TMC7: variants seen among roughly 807,000 people sequenced by gnomAD.
TMC7 encodes the protein transmembrane channel like 7, also known as transmembrane channel-like protein 7.
TMC7 carries 54 observed loss-of-function variants against 82.9 expected under a neutral mutation model. The observed-to-expected ratio is 0.65, with a 90% CI of 0.52 to 0.82. The LOEUF is 0.82. Among genes scored for constraint, TMC7 ranks in the 40% least tolerant of loss-of-function variants. The pLI, the probability that TMC7 is intolerant of heterozygous loss-of-function variation, is 0.00. For missense variants in TMC7, 820 were observed against 901.2 expected (o/e 0.91, Z 1.15); for synonymous variants, 350 against 337.9 (o/e 1.04, Z -0.39).
chr16:19,047,365 T>G, intron 12 of TMC7, 116 bp downstream of exon 12: 1 of 869,200 alleles, frequency 1.2e-6, no homozygotes, highest in South Asian at 2.0e-5. Flanking sequence ...TTACATCCTT[T>G]ATTTAAAATA....
At chr16:19,003,253 C>T (rs958120756) in intron 1 of TMC7, among the ~76,000 whole-genome samples, 6 of 152,178 alleles carry the variant, frequency 3.9e-5, no homozygotes, top group South Asian at 2.1e-4. Context: ...GTGGGAGGAT[C>T]GCTTGAGCCC....
At chr16:19,013,587 G>A (rs1312742691) in intron 2 of TMC7, among the ~76,000 whole-genome samples, 1 of 151,756 alleles carries the variant, frequency 6.6e-6, no homozygotes, top group Non-Finnish European at 1.5e-5. Context: ...GTGCCATCTC[G>A]CCTCACTGCA....
At chr16:19,006,151 G>T (rs1299461675) in intron 1 of TMC7, among the ~76,000 whole-genome samples, 1 of 151,938 alleles carries the variant, frequency 6.6e-6, no homozygotes, top group Non-Finnish European at 1.5e-5. Flanking sequence ...TCATAAACAG[G>T]CTGTGTAGCA....
At position 19,056,437 on chromosome 16, in the gene TMC7, G is replaced by A. The variant is rs1961774406; in HGVS notation, c.1872-105G>A. ...TCCAGAAGGCCCAGGAGGTTAGGTG[G>A]CTCCCTGTAGGCCATTGTTAACAAA... is the stretch of plus-strand genomic sequence containing the variant. On this transcript the variant is annotated intron_variant, in intron 13 of 15. Transcript: ENST00000304381. 2.2e-6 allele frequency: 3 copies of A among 1,358,534 alleles called. No individual in the cohort carries two copies. The Admixed American group carries it at 6.8e-5, about 31-fold the overall frequency. The allele number at this position is 1,358,534 out of a possible 1,614,324, so 84.2% of individuals were successfully genotyped here. A position where few individuals can be genotyped will look rare whatever the true frequency, so the allele number is the denominator to read the frequency against.
chr16:19,010,038 C>T (rs2039311331), intron 2 of TMC7, among the ~76,000 whole-genome samples: 1 of 147,310 alleles, frequency 6.8e-6, no homozygotes, highest in South Asian at 2.2e-4. Flanking sequence ...TCCCTCCCTC[C>T]TTTCTTTCTT....
intron 1 of TMC7, among the ~76,000 whole-genome samples, chr16:18,991,840 G>GT (rs1030720974): frequency 6.6e-5 from 10 of 152,074 alleles, no homozygotes; most frequent in Admixed American, 2.0e-4. Flanking sequence ...GCGGTGTTTG[G>GT]TTTTTTGTCC....
At chr16:19,048,603 T>TAG (rs780858668) in intron 12 of TMC7, among the ~76,000 whole-genome samples, 2 of 152,050 alleles carry the variant, frequency 1.3e-5, no homozygotes, top group Admixed American at 6.6e-5. Flanking sequence ...GTATTTTTAT[T>TAG]AGAGAGAGAG....
At chr16:19,019,109 C>T (rs1454578328) in intron 3 of TMC7, among the ~76,000 whole-genome samples, 1 of 152,216 alleles carries the variant, frequency 6.6e-6, no homozygotes, top group East Asian at 1.9e-4. Context: ...CTTGGCCTCC[C>T]AAAATGCTGG....
rs1156933795 is a variant in TMC7, at chr16:18,984,009, G to A, written c.-55G>A. The A allele has an allele frequency of 1.5e-6, 2 of 1,371,872 alleles. No individual in the cohort carries two copies. Among genetic ancestry groups the A allele is most frequent in the Non-Finnish European group, 1.9e-6 (2 of 1,069,736 alleles). The allele number at this position is 1,371,872 out of a possible 1,614,324, so 85.0% of individuals were successfully genotyped here. ...AGGGAAGGCCGGGGAGGCGGCGGCG[G>A]CGGCGGCGGCTGGAGAGGGTCCTCG... On this transcript the variant is annotated 5_prime_UTR_variant, in exon 1 of 16. Transcript: ENST00000304381.
At position 19,044,917 on chromosome 16, in the gene TMC7, C is replaced by T. The variant is rs756883052; in HGVS notation, c.1371C>T (p.Val457=). The T allele has an allele frequency of 3.7e-6, 6 of 1,613,964 alleles. No homozygotes were observed. In the South Asian group the frequency reaches 5.5e-5, roughly 15 times the overall value. ...TTATGCGGCTGGCCACCATATGTGT[C>T]CTGGTGTTCACGCTGGGCTCCAAGA... ...CVFMRLATIC[V]LVFTLGSKIT... The change falls in exon 10 of 16, where the codon GTC becomes GTT. Residue 457 remains valine, a synonymous_variant. Coordinates refer to ENST00000304381, the MANE Select transcript of TMC7 (RefSeq NM_024847.4).
chr16:19,023,634 A>T (rs1960087995), intron 5 of TMC7, among the ~76,000 whole-genome samples: 1 of 152,062 alleles, frequency 6.6e-6, no homozygotes, highest in Admixed American at 6.6e-5. Flanking sequence ...TTTAGTAGAG[A>T]CGGAGTTTCA....
chr16:19,035,558 G>A (rs1264298920), intron 6 of TMC7, 118 bp from the exon 7 acceptor site: 5 of 1,225,904 alleles, frequency 4.1e-6, no homozygotes, highest in South Asian at 2.5e-5. Flanking sequence ...ACTTGACCAT[G>A]TCACAATGGG....
Position 19,056,525 on chromosome 16 carries a change from G to C in TMC7, c.1872-17G>C. The C allele has an allele frequency of 6.2e-7, 1 of 1,611,174 alleles. No homozygotes were observed. The highest frequency in any genetic ancestry group is 1.3e-5 in the African/African-American group (1 of 74,988). On this transcript the variant is annotated splice_polypyrimidine_tract_variant and intron_variant, in intron 13 of 15. Transcript: ENST00000304381. The stretch of plus-strand genomic sequence containing the variant: ...GCTGCACGCTCCTTCTGAGCCCGTT[G>C]GTCTGTGTCCTGGCAGCATCCCTTC...
At chr16:19,029,655 G>A (rs2142234844) in intron 5 of TMC7, among the ~76,000 whole-genome samples, 1 of 151,346 alleles carries the variant, frequency 6.6e-6, no homozygotes, top group South Asian at 2.1e-4. Flanking sequence ...GATTACAGGT[G>A]TGAGCCACCA....
chr16:19,005,178 T>C (rs2039216817), intron 1 of TMC7, among the ~76,000 whole-genome samples: 1 of 152,092 alleles, frequency 6.6e-6, no homozygotes, highest in African/African-American at 2.4e-5. Context: ...AAGCTCTGCC[T>C]CCTGGGTTCA....
intron 1 of TMC7, among the ~76,000 whole-genome samples, chr16:18,988,204 G>C (rs1258404334): frequency 1.3e-5 from 2 of 148,852 alleles, no homozygotes; most frequent in Non-Finnish European, 3.0e-5. Flanking sequence ...GCCCAGGCTG[G>C]AGTGCAATGG....
chr16:19,028,816 C>T lies in TMC7; in HGVS notation c.712-1408C>T, dbSNP rs191589831. 3.5e-3 allele frequency among the ~76,000 whole-genome samples: 529 copies of T among 151,452 alleles called. 1 individual carries two copies. Among genetic ancestry groups the T allele is most frequent in the Non-Finnish European group, 5.2e-3 (352 of 67,884 alleles). ...GACTACAGGCACATGCCACCATGCC[C>T]GGCTAATTTTTGTATTTTTAGTAGA... On this transcript the variant is annotated intron_variant, in intron 5 of 15. Coordinates refer to ENST00000304381, the MANE Select transcript of TMC7 (RefSeq NM_024847.4).
chr16:19,059,917 C>T, intron 15 of TMC7: 1 of 429,346 alleles, frequency 2.3e-6, no homozygotes, highest in Non-Finnish European at 4.3e-6. Flanking sequence ...GTGGAGGTCG[C>T]AGTGAGCTGA....
At chr16:19,052,712 T>C (rs1222873330) in intron 13 of TMC7, among the ~76,000 whole-genome samples, 1 of 148,344 alleles carries the variant, frequency 6.7e-6, no homozygotes, top group Non-Finnish European at 1.5e-5. Context: ...CTCTCTCAGA[T>C]TTTGTTCTTT....
Sources: gnomAD v4.1 joint callset for allele counts (sites outside exome capture counted in the v4.1 genomes callset) on GRCh38, gnomAD v4.1.1 for gene constraint, MANE v1.5 for transcripts, NCBI Gene and HGNC (gene_info 2026-07-23, HGNC 2026-07-21) for gene names.